UNC13A: variants seen among roughly 807,000 people sequenced by gnomAD.
UNC13A encodes protein unc-13 homolog A.
Under a neutral mutation model 219.7 loss-of-function variants are expected in UNC13A, and 61 were observed. The ratio of observed to expected loss-of-function variants is 0.28; its 90% CI spans 0.23 to 0.34. UNC13A has a LOEUF of 0.34. Ranked by LOEUF, UNC13A falls within the 10% of genes least tolerant of loss-of-function variation. UNC13A has a pLI of 1.00. For missense variants in UNC13A, 1,476 were observed against 2,270.3 expected, an observed-to-expected ratio of 0.65 and a Z score of 7.11; for synonymous variants, 920 against 884.6, an observed-to-expected ratio of 1.04 and a Z score of -0.71.
chr19:17,681,585 C>T (rs1373655277), intron 1 of UNC13A, among the ~76,000 whole-genome samples: 1 of 152,184 alleles, frequency 6.6e-6, no homozygotes, highest in Non-Finnish European at 1.5e-5. Context: ...TTCCAGAGAG[C>T]TTCGGGAATA....
chr19:17,621,736 G>C (rs1045106296), intron 37 of UNC13A, 96 bp downstream of exon 37: 5 of 1,350,816 alleles, frequency 3.7e-6, no homozygotes, highest in Non-Finnish European at 5.3e-6. Context: ...ACGACCCCCA[G>C]CTGCCCTTCC....
rs2079313948 is a variant in UNC13A, at chr19:17,649,987, T to C, written c.1440-400A>G. Among the ~76,000 whole-genome samples, 1 of 152,096 alleles carries C rather than the reference T, an allele frequency of 6.6e-6. No individual in the cohort carries two copies. Among genetic ancestry groups the C allele is most frequent in the Admixed American group, 6.6e-5 (1 of 15,256 alleles). On this transcript the variant is annotated intron_variant, in intron 12 of 43. Coordinates refer to ENST00000519716, the MANE Select transcript of UNC13A (RefSeq NM_001080421.3). The surrounding 1 kb of genome is among the most constrained non-coding windows in gnomAD (Gnocchi z 4.4). ...GGGGAGGAATTCTCTTCTACAGATT[T>C]CAGAGGGAGCATGGCTCTACCAATG...
rs191622408 is a variant in UNC13A at position 17,680,611 on chromosome 19, C to A, written c.23-4570G>T. ...ACCCCTGCAGCCTGGCTTCGCGCCT[C>A]CGTTTCTGCATCTGGAAAATGGGGA... is the stretch of plus-strand genomic sequence containing the variant. On this transcript the variant is annotated intron_variant, in intron 1 of 43. Coordinates refer to ENST00000519716, the MANE Select transcript of UNC13A (RefSeq NM_001080421.3). Among the ~76,000 whole-genome samples the A allele has an allele frequency of 3.4e-3, 511 of 152,218 alleles. 6 individuals carry two copies. Among genetic ancestry groups the A allele is most frequent in the Admixed American group, 0.017 (265 of 15,278 alleles).
At chr19:17,614,759 G>A (rs1297067391) in intron 41 of UNC13A, among the ~76,000 whole-genome samples, 1 of 151,998 alleles carries the variant, frequency 6.6e-6, no homozygotes. Context: ...GCCCCAGGCC[G>A]TCTTCCTTGT....
chr19:17,650,938 T>A (rs904201656), intron 12 of UNC13A, among the ~76,000 whole-genome samples: 2 of 19,478 alleles, frequency 1.0e-4, no homozygotes, highest in East Asian at 1.6e-3. Flanking sequence ...AGCAAATTTT[T>A]TTTTTTTTTT....
At chr19:17,610,174 A>T (rs1183967145) in intron 42 of UNC13A, 75 bp from the exon 43 acceptor site, 3 of 1,598,404 alleles carry the variant, frequency 1.9e-6, no homozygotes, top group Non-Finnish European at 2.6e-6. Flanking sequence ...GGCTCTCAAA[A>T]CCTGCCCAAG....
chr19:17,688,234 G>A lies in UNC13A; in HGVS notation c.-35C>T, dbSNP rs2080152925. ...CTCGCAGGTGGGCCGGAGGCGGCCG[G>A]GCCGGCTCTGTCGGGTCGGGCTCAG... On this transcript the variant is annotated 5_prime_UTR_variant, in exon 1 of 44. Coordinates refer to ENST00000519716, the MANE Select transcript of UNC13A (RefSeq NM_001080421.3). 6.8e-7 allele frequency: 1 copy of A among 1,481,272 alleles called. No individual in the cohort carries two copies. Among genetic ancestry groups the A allele is most frequent in the East Asian group, 3.0e-5 (1 of 33,868 alleles). The allele number at this position is 1,481,272 out of a possible 1,614,324, so 91.8% of individuals were successfully genotyped here.
chr19:17,685,841 A>G (rs1402287997), intron 1 of UNC13A, among the ~76,000 whole-genome samples: 1 of 151,928 alleles, frequency 6.6e-6, no homozygotes, highest in Non-Finnish European at 1.5e-5. Flanking sequence ...GGGGACAGGT[A>G]TTTCCTCAGC....
At position 17,605,523 on chromosome 19, in the gene UNC13A, C is replaced by T. The variant is rs1226051123; in HGVS notation, c.*531G>A. On this transcript the variant is annotated 3_prime_UTR_variant, in exon 44 of 44. Transcript: ENST00000519716. ...AATATCTAAAGGGACTCCGGTATTC[C>T]GGGGCCCTCCAACCAGCATCCTGGT... The T allele has an allele frequency of 6.5e-6, 1 of 153,154 alleles. No individual in the cohort carries two copies. The highest frequency in any genetic ancestry group is 1.5e-5 in the Non-Finnish European group (1 of 68,464). 9.5% of individuals were successfully genotyped at this position (153,154 alleles called of 1,614,324 possible).
intron 25 of UNC13A, among the ~76,000 whole-genome samples, chr19:17,637,230 C>T (rs1318165714): frequency 1.3e-5 from 2 of 152,106 alleles, no homozygotes; most frequent in Admixed American, 6.6e-5. Context: ...CTGCCTCAGC[C>T]TCCTAAAGTG....
rs1252396055 is a variant in UNC13A, at chr19:17,603,093, G to C, written c.*2961C>G. ...GAAGGACGAATAGGAGTTCTCTGGG[G>C]GAAAGAAAAGAGGGTGGAAATTGCA... is the stretch of plus-strand genomic sequence containing the variant. On this transcript the variant is annotated 3_prime_UTR_variant, in exon 44 of 44. Coordinates refer to ENST00000519716, the MANE Select transcript of UNC13A (RefSeq NM_001080421.3). 1 of 152,158 alleles carries C rather than the reference G, an allele frequency of 6.6e-6. No individual in the cohort carries two copies. Among genetic ancestry groups the C allele is most frequent in the Non-Finnish European group, 1.5e-5 (1 of 68,050 alleles). The allele number at this position is 152,158 out of a possible 1,614,324, so 9.4% of individuals were successfully genotyped here.
At chr19:17,637,336 C>CACA (rs1365191009) in intron 25 of UNC13A, among the ~76,000 whole-genome samples, 5 of 148,852 alleles carry the variant, frequency 3.4e-5, no homozygotes, top group African/African-American at 1.2e-4. Flanking sequence ...CTCGCTCTGT[C>CACA]ACCCAGGCCG....
intron 12 of UNC13A, among the ~76,000 whole-genome samples, chr19:17,652,022 A>T (rs1360043221): frequency 6.6e-6 from 1 of 152,258 alleles, no homozygotes; most frequent in East Asian, 1.9e-4. Flanking sequence ...ATTTAAAAAT[A>T]GAATCAACGC....
At chr19:17,670,949 A>AAAATTAAAATT (rs1191927159) in intron 4 of UNC13A, among the ~76,000 whole-genome samples, 12 of 123,240 alleles carry the variant, frequency 9.7e-5, no homozygotes, top group Non-Finnish European at 2.2e-4. Flanking sequence ...AAAATAAAAT[A>AAAATTAAAATT]AAATAAAATA....
At chr19:17,661,448 C>T (rs2079549711) in intron 8 of UNC13A, among the ~76,000 whole-genome samples, 1 of 152,064 alleles carries the variant, frequency 6.6e-6, no homozygotes. Context: ...AATCCCAGCA[C>T]TTTGGGAGGC....
At chr19:17,648,820 C>T (rs915060416) in intron 15 of UNC13A, 92 bp downstream of exon 15, 4 of 1,513,406 alleles carry the variant, frequency 2.6e-6, no homozygotes, top group Non-Finnish European at 2.7e-6. Flanking sequence ...CACACCCTTC[C>T]TCTTCCCGGG....
intron 4 of UNC13A, among the ~76,000 whole-genome samples, chr19:17,672,090 A>AC (rs71336633): frequency 1.2e-4 from 18 of 150,422 alleles, no homozygotes; most frequent in African/African-American, 2.4e-4. Context: ...TGCATGAACC[A>AC]CCCCCCTCCC....
Position 17,640,581 on chromosome 19 carries a change from G to T in UNC13A, c.2717C>A (p.Ala906Asp). The part of the protein sequence containing the change: ...VMSTLLANIN[A>D]YYAHTTASTN... The stretch of plus-strand genomic sequence containing the variant: ...GGAGGCGGTGGTGTGTGCGTAGTAG[G>T]CATTGATGTTGGCGAGCAGGGTGCT... The change falls in exon 22 of 44, where the codon GCC becomes GAC. Residue 906 changes from alanine to aspartate, a missense_variant. By Grantham distance (126) the Ala-to-Asp change is moderately radical. This residue lies in a region of UNC13A where 140 missense variants were observed against 270.9 expected (regional missense o/e 0.52). Transcript: ENST00000519716. 1 of 1,572,752 alleles carries T rather than the reference G, an allele frequency of 6.4e-7. No individual in the cohort carries two copies. Among genetic ancestry groups the T allele is most frequent in the Non-Finnish European group, 8.6e-7 (1 of 1,159,714 alleles).
intron 43 of UNC13A, among the ~76,000 whole-genome samples, chr19:17,608,540 C>T (rs1326933090): frequency 2.1e-5 from 3 of 144,578 alleles, no homozygotes; most frequent in Non-Finnish European, 4.5e-5. Flanking sequence ...TTCTTTTAGA[C>T]GGAGTCTTGC....
Sources: allele counts gnomAD v4.1 joint callset (sites outside exome capture counted in the v4.1 genomes callset), GRCh38; gene constraint gnomAD v4.1.1; regional missense constraint gnomAD v4.1.1; non-coding constraint Gnocchi (gnomAD v3.1); transcripts MANE v1.5; gene names NCBI Gene and HGNC (gene_info 2026-07-23, HGNC 2026-07-21).